PLAUR: variants seen among roughly 807,000 people sequenced by gnomAD.
The protein encoded by PLAUR is plasminogen activator, urokinase receptor, also known as urokinase plasminogen activator surface receptor.
Under a neutral mutation model 33.4 loss-of-function variants are expected in PLAUR, and 22 were observed. The ratio of observed to expected loss-of-function variants is 0.66; its 90% CI spans 0.47 to 0.94. The LOEUF (loss-of-function observed/expected upper bound fraction) is 0.94, where lower values mean the gene tolerates loss of function less well. Ranked by LOEUF, PLAUR falls within the 40% of genes least tolerant of loss-of-function variation. The pLI is 0.00. For missense variants in PLAUR, 408 were observed against 434.7 expected (o/e 0.94, Z 0.55); for synonymous variants, 148 against 167.3 (o/e 0.88, Z 0.89).
rs543129264 is a variant in PLAUR, at chr19:43,667,267, T to C, written c.166+314A>G. On this transcript the variant is annotated intron_variant, in intron 2 of 6. Transcript: ENST00000340093. The stretch of plus-strand genomic sequence containing the variant: ...CTGGGTATATGTGGCCAAGGTTCTT[T>C]GGCATTTCTGCATGGCGAGGAGTTG... 1.5e-5 allele frequency: 6 copies of C among 404,146 alleles called. No individual in the cohort carries two copies. In the South Asian group the frequency reaches 1.6e-4, roughly 11 times the overall value. The allele number at this position is 404,146 out of a possible 1,614,324, so 25.0% of individuals were successfully genotyped here.
At chr19:43,668,247 C>T in intron 1 of PLAUR, 2 of 987,536 alleles carry the variant, frequency 2.0e-6, no homozygotes, top group Non-Finnish European at 2.4e-6. Context: ...CCGGCCCCAT[C>T]AGCCCTCCGG....
At chr19:43,652,439 C>A (rs1235392096) in intron 5 of PLAUR, 68 bp from the exon 6 acceptor site, 14 of 1,482,348 alleles carry the variant, frequency 9.4e-6, no homozygotes, top group Middle Eastern at 1.7e-4. Flanking sequence ...CCTTGAATGA[C>A]CTCCCCAGGA....
At chr19:43,657,513 A>G (rs1226764763) in intron 3 of PLAUR, among the ~76,000 whole-genome samples, 4 of 152,122 alleles carry the variant, frequency 2.6e-5, no homozygotes, top group African/African-American at 9.7e-5. Context: ...TCTGTCTAGA[A>G]CACCTTTCCT....
At chr19:43,656,240 G>GA (rs1287171480) in intron 4 of PLAUR, among the ~76,000 whole-genome samples, 1 of 135,672 alleles carries the variant, frequency 7.4e-6, no homozygotes, top group African/African-American at 2.8e-5. Flanking sequence ...GTGACAGAGA[G>GA]CAAGACTCTG....
chr19:43,660,490 A>T (rs1290950741), intron 3 of PLAUR: 6 of 145,530 alleles, frequency 4.1e-5, no homozygotes, highest in East Asian at 2.0e-4. Flanking sequence ...TTTTTTTTTT[A>T]AAGATGGGGT....
intron 6 of PLAUR, 68 bp downstream of exon 6, chr19:43,652,157 A>G: frequency 6.3e-7 from 1 of 1,583,472 alleles, no homozygotes; most frequent in African/African-American, 1.3e-5. Flanking sequence ...GCTTAACTGG[A>G]AGTCAATCTC....
chr19:43,666,532 CCTCT>C (rs1429710688), intron 2 of PLAUR, among the ~76,000 whole-genome samples: 1 of 137,998 alleles, frequency 7.2e-6, no homozygotes, highest in Non-Finnish European at 1.6e-5. Context: ...TCCCTCCCTT[CCTCT>C]CTCTCTTTCT....
chr19:43,660,815 T>C (rs1051207247), intron 3 of PLAUR: 3 of 151,708 alleles, frequency 2.0e-5, no homozygotes, highest in Non-Finnish European at 2.9e-5. Flanking sequence ...ACATTCTAGA[T>C]AAAAATCTGT....
downstream of PLAUR, chr19:43,646,202 G>T (rs913695846): frequency 5.5e-6 from 2 of 362,304 alleles, no homozygotes; most frequent in Admixed American, 8.7e-5. Flanking sequence ...CCCTCCCAAA[G>T]TGCTAGGACT....
chr19:43,649,473 G>A (rs1312458188), intron 6 of PLAUR, among the ~76,000 whole-genome samples: 11 of 151,746 alleles, frequency 7.2e-5, no homozygotes, highest in Non-Finnish European at 1.6e-4. Flanking sequence ...TCAGGAGATG[G>A]AGGCTGTGGT....
At chr19:43,659,821 T>G (rs1216114903) in intron 3 of PLAUR, among the ~76,000 whole-genome samples, 1 of 152,234 alleles carries the variant, frequency 6.6e-6, no homozygotes, top group African/African-American at 2.4e-5. Flanking sequence ...TTTGCTCTGC[T>G]GTTTCTGACC....
At chr19:43,662,940 C>G (rs1967068508) in intron 3 of PLAUR, among the ~76,000 whole-genome samples, 1 of 152,172 alleles carries the variant, frequency 6.6e-6, no homozygotes, top group African/African-American at 2.4e-5. Context: ...ATCCTCCCAC[C>G]TGGGCCTCCC....
intron 2 of PLAUR, 34 bp downstream of exon 2, chr19:43,667,547 G>T: frequency 1.4e-6 from 2 of 1,415,608 alleles, no homozygotes; most frequent in Non-Finnish European, 2.0e-6. Flanking sequence ...TCCATGCTGC[G>T]CTGGAGGGGT....
At chr19:43,656,394 C>G (rs998043348) in intron 4 of PLAUR, 85 bp downstream of exon 4, 1 of 1,252,252 alleles carries the variant, frequency 8.0e-7, no homozygotes, top group Non-Finnish European at 1.1e-6. Flanking sequence ...TGCTGACATC[C>G]CTGTTACTTT....
At chr19:43,658,611 A>G (rs2146240823) in intron 3 of PLAUR, among the ~76,000 whole-genome samples, 1 of 152,260 alleles carries the variant, frequency 6.6e-6, no homozygotes, top group South Asian at 2.1e-4. Flanking sequence ...GAAACACCAG[A>G]GTCATTCCTC....
intron 6 of PLAUR, among the ~76,000 whole-genome samples, chr19:43,650,081 G>A (rs1286681822): frequency 4.7e-5 from 7 of 148,636 alleles, no homozygotes; most frequent in South Asian, 2.1e-4. Flanking sequence ...GCACGATCTC[G>A]GCTCACTGCA....
chr19:43,655,132 C>A (rs1173923585), intron 5 of PLAUR, among the ~76,000 whole-genome samples: 1 of 151,944 alleles, frequency 6.6e-6, no homozygotes, highest in Non-Finnish European at 1.5e-5. Flanking sequence ...GAAAAATTAG[C>A]CAGGGGTGAT....
intron 6 of PLAUR, 60 bp from the exon 7 acceptor site, chr19:43,649,203 C>T (rs1973890413): frequency 1.9e-6 from 3 of 1,570,474 alleles, no homozygotes; most frequent in Non-Finnish European, 2.6e-6. Context: ...TGGAATTCTC[C>T]AGTAGGTGAC....
intron 3 of PLAUR, among the ~76,000 whole-genome samples, chr19:43,658,191 G>A (rs1374281332): frequency 1.3e-5 from 2 of 152,208 alleles, no homozygotes; most frequent in Non-Finnish European, 2.9e-5. Context: ...GCAAGCAGCA[G>A]CCATGTTGTG....
Sources: allele counts gnomAD v4.1 joint callset (sites outside exome capture counted in the v4.1 genomes callset), GRCh38; gene constraint gnomAD v4.1.1; transcripts MANE v1.5; gene names NCBI Gene and HGNC (gene_info 2026-07-23, HGNC 2026-07-21).